Variants in ASPH observed in about 807,000 individuals in gnomAD.
ASPH encodes aspartate beta-hydroxylase.
A neutral mutation model predicts 118.4 loss-of-function variants in ASPH; 100 were observed. The observed-to-expected ratio is 0.84, with a 90% CI of 0.72 to 1.00. The LOEUF is 1.00. ASPH is among the 50% of genes least tolerant of loss of function. The probability of loss-of-function intolerance (pLI) is 0.00; values close to 1 mark genes in which losing one functional copy is unlikely to be tolerated. For missense variants in ASPH, 920 were observed against 919.5 expected (o/e 1.00, Z -0.01); for synonymous variants, 315 against 325.6 (o/e 0.97, Z 0.35).
intron 1 of ASPH, among the ~76,000 whole-genome samples, chr8:61,696,278 A>G (rs974405091): frequency 1.3e-5 from 2 of 152,236 alleles, no homozygotes; most frequent in Non-Finnish European, 2.9e-5. Flanking sequence ...TAGGAAAACA[A>G]AATTGAGAAA....
At chr8:61,594,699 ATTG>A (rs1346017398) in intron 14 of ASPH, among the ~76,000 whole-genome samples, 2 of 152,008 alleles carry the variant, frequency 1.3e-5, no homozygotes, top group Non-Finnish European at 2.9e-5. Flanking sequence ...ATTATCAGTG[ATTG>A]TTGTTAATCT....
At chr8:61,621,763 C>T (rs1851005878) in intron 13 of ASPH, among the ~76,000 whole-genome samples, 1 of 152,244 alleles carries the variant, frequency 6.6e-6, no homozygotes, top group Non-Finnish European at 1.5e-5. Context: ...ACTTTAATCA[C>T]ACTCTATATC....
chr8:61,614,456 A>G (rs934486086), intron 14 of ASPH, among the ~76,000 whole-genome samples: 1 of 152,172 alleles, frequency 6.6e-6, no homozygotes, highest in African/African-American at 2.4e-5. Flanking sequence ...TGTTCAGTGA[A>G]TTTGTCAAAG....
intron 21 of ASPH, among the ~76,000 whole-genome samples, chr8:61,544,565 T>C (rs1211750767): frequency 1.3e-5 from 2 of 152,188 alleles, no homozygotes; most frequent in Non-Finnish European, 2.9e-5. Context: ...CCTGGTGCAG[T>C]GCAGTAAGGG....
intron 14 of ASPH, chr8:61,606,966 C>A: frequency 3.6e-6 from 1 of 280,388 alleles, no homozygotes; most frequent in Non-Finnish European, 6.6e-6. Context: ...AATCCTCACC[C>A]ACTACTTGAG....
At chr8:61,685,651 T>A (rs1399402999) in intron 1 of ASPH, among the ~76,000 whole-genome samples, 1 of 152,004 alleles carries the variant, frequency 6.6e-6, no homozygotes, top group East Asian at 1.9e-4. Context: ...TTCTTTGTGT[T>A]AAAAGGATAT....
chr8:61,641,445 A>T (rs1185279575), intron 10 of ASPH, among the ~76,000 whole-genome samples: 1 of 152,162 alleles, frequency 6.6e-6, no homozygotes, highest in African/African-American at 2.4e-5. Flanking sequence ...TTGGAAAGAA[A>T]ATCTAAGTGC....
chr8:61,704,270 C>G (rs963141689), intron 1 of ASPH, among the ~76,000 whole-genome samples: 3 of 137,078 alleles, frequency 2.2e-5, no homozygotes, highest in African/African-American at 8.2e-5. Flanking sequence ...CTTACACTGT[C>G]ATTTGCTTTT....
chr8:61,583,582 G>T, intron 15 of ASPH: 1 of 162,606 alleles, frequency 6.1e-6, no homozygotes, highest in Admixed American at 6.5e-5. Context: ...TCTTTAAATT[G>T]ATCTTTAAAA....
At chr8:61,675,768 C>T in intron 3 of ASPH, 1 of 1,130,754 alleles carries the variant, frequency 8.8e-7, no homozygotes, top group Non-Finnish European at 1.1e-6. Context: ...AAATTTAGTT[C>T]AGTGAATACA....
intron 21 of ASPH, among the ~76,000 whole-genome samples, chr8:61,532,215 T>C (rs558713035): frequency 5.9e-5 from 9 of 152,304 alleles, no homozygotes; most frequent in Non-Finnish European, 1.2e-4. Context: ...ATTTTTTTCA[T>C]AATAGCCATC....
intron 3 of ASPH, among the ~76,000 whole-genome samples, chr8:61,672,570 T>C (rs1279344758): frequency 6.7e-6 from 1 of 149,002 alleles, no homozygotes; most frequent in Admixed American, 6.7e-5. Context: ...TAACTCCTCA[T>C]CCTTCAGGAC....
intron 24 of ASPH, among the ~76,000 whole-genome samples, chr8:61,510,690 G>C (rs906936373): frequency 6.6e-6 from 1 of 152,218 alleles, no homozygotes; most frequent in African/African-American, 2.4e-5. Context: ...TCACAGAGCA[G>C]GGGTCAAGAC....
chr8:61,625,859 A>C, intron 13 of ASPH: 5 of 998,454 alleles, frequency 5.0e-6, no homozygotes, highest in East Asian at 1.0e-4. Flanking sequence ...AGTGTACACA[A>C]GTCAGTCCAA....
intron 16 of ASPH, among the ~76,000 whole-genome samples, chr8:61,570,820 A>G (rs931718484): frequency 1.3e-5 from 2 of 152,182 alleles, no homozygotes; most frequent in Admixed American, 1.3e-4. Context: ...TTCCTATGAG[A>G]TGTGTCATTT....
intron 3 of ASPH, chr8:61,663,857 G>A (rs539714644): frequency 5.5e-5 from 54 of 975,392 alleles, no homozygotes; most frequent in Non-Finnish European, 6.6e-5. Flanking sequence ...AGTAAAAGGC[G>A]TTAACCTAAG....
intron 2 of ASPH, among the ~76,000 whole-genome samples, chr8:61,681,908 T>G (rs1035874391): frequency 6.6e-6 from 1 of 152,002 alleles, no homozygotes; most frequent in Non-Finnish European, 1.5e-5. Context: ...TAATTCATTA[T>G]TGGACAATGA....
chr8:61,662,011 T>C (rs1446645642), intron 3 of ASPH: 2 of 378,104 alleles, frequency 5.3e-6, no homozygotes, highest in Non-Finnish European at 9.5e-6. Flanking sequence ...TAAAATTCAT[T>C]CACATACGAA....
intron 22 of ASPH, among the ~76,000 whole-genome samples, chr8:61,521,518 G>A (rs952247788): frequency 5.3e-5 from 8 of 152,158 alleles, no homozygotes; most frequent in Non-Finnish European, 1.2e-4. Flanking sequence ...TCTAACCTAG[G>A]ATTGTTGGTT....
Sources: allele counts gnomAD v4.1 joint callset (sites outside exome capture counted in the v4.1 genomes callset), GRCh38; gene constraint gnomAD v4.1.1; transcripts MANE v1.5; gene names NCBI Gene and HGNC (gene_info 2026-07-23, HGNC 2026-07-21).